INSL6: variants seen among roughly 807,000 people sequenced by gnomAD.
INSL6 encodes insulin-like peptide INSL6.
Under a neutral mutation model 9.4 loss-of-function variants are expected in INSL6, and 16 were observed. That is an observed-to-expected ratio of 1.70 (90% CI 1.15 to 2.59). INSL6 has a LOEUF of 2.59. Among genes scored for constraint, INSL6 ranks in the 30% most tolerant of loss-of-function variants. The pLI is 0.00. For synonymous variants in INSL6, 154 were observed against 96.9 expected (o/e 1.59, Z -3.46); for missense variants, 391 against 257.3 (o/e 1.52, Z -3.56).
chr9:5,168,288 G>T (rs1336845359), intron 1 of INSL6, among the ~76,000 whole-genome samples: 2 of 152,164 alleles, frequency 1.3e-5, no homozygotes, highest in African/African-American at 4.8e-5. Context: ...TGAGCTAAAG[G>T]AGTATGTTCA....
At chr9:5,157,385 T>A (rs992645410) in intron 2 of INSL6, among the ~76,000 whole-genome samples, 2 of 152,170 alleles carry the variant, frequency 1.3e-5, no homozygotes, top group Non-Finnish European at 1.5e-5. Context: ...AGTATGGTAT[T>A]GGCATAATGA....
chr9:5,185,284 A>G, intron 1 of INSL6, 30 bp downstream of exon 1: 1 of 1,613,934 alleles, frequency 6.2e-7, no homozygotes, highest in Non-Finnish European at 8.5e-7. Flanking sequence ...TACAGAGGTG[A>G]ACAAACATGC....
At chr9:5,133,929 A>G (rs1422402623) in intron 2 of INSL6, among the ~76,000 whole-genome samples, 6 of 150,518 alleles carry the variant, frequency 4.0e-5, no homozygotes. Flanking sequence ...AACCCAATGC[A>G]AGGAAGCTAA....
At chr9:5,031,838 G>A in the INSL6 span, among the ~76,000 whole-genome samples, 1 of 152,258 alleles carries the variant, frequency 6.6e-6, no homozygotes, top group Admixed American at 6.5e-5. Flanking sequence ...GGGCGATGCA[G>A]AAGACGGGTG....
chr9:5,064,365 A>G, the INSL6 span, among the ~76,000 whole-genome samples: 13,326 of 152,142 alleles, frequency 0.088, 1,749 homozygotes, highest in African/African-American at 0.29. Context: ...ACCTGTCTTT[A>G]CTAAAAATAC....
chr9:5,022,252 G>T, the INSL6 span: 3 of 1,414,142 alleles, frequency 2.1e-6, no homozygotes, highest in Non-Finnish European at 3.0e-6. Flanking sequence ...TTTATGCATG[G>T]ATTGTTTTAA....
intron 2 of INSL6, among the ~76,000 whole-genome samples, chr9:5,145,999 G>A (rs1056033222): frequency 3.3e-5 from 5 of 152,150 alleles, no homozygotes; most frequent in Non-Finnish European, 7.3e-5. Context: ...GAGAAGTGAT[G>A]TGGTCATTTG....
At chr9:5,052,406 AT>A in the INSL6 span, among the ~76,000 whole-genome samples, 3 of 151,198 alleles carry the variant, frequency 2.0e-5, no homozygotes, top group Non-Finnish European at 3.0e-5. Context: ...ATGCTGCATC[AT>A]TTTTTTTTAC....
Position 5,143,499 on chromosome 9 carries a change from TG to T in INSL6, c.377-9908del, listed in dbSNP as rs1479130122. On this transcript the variant is annotated intron_variant, in intron 2 of 3. Transcript: ENST00000649639. ...TAGAGGTGTTCATAATATTATCTGA[TG>T]GTTGTCTGTATTTCTGTGGGGTCAG... Among the ~76,000 whole-genome samples, 28 of 152,224 alleles carry T rather than the reference TG, an allele frequency of 1.8e-4. No homozygotes were observed. The East Asian group carries it at 5.2e-3, about 28-fold the overall frequency.
downstream of INSL6, among the ~76,000 whole-genome samples, chr9:5,119,582 T>G (rs1823461102): frequency 6.6e-6 from 1 of 152,040 alleles, no homozygotes; most frequent in Non-Finnish European, 1.5e-5. Context: ...AATTTCTCAT[T>G]ACTTAATTTG....
At chr9:5,015,099 T>C in the INSL6 span, among the ~76,000 whole-genome samples, 1 of 152,188 alleles carries the variant, frequency 6.6e-6, no homozygotes, top group East Asian at 1.9e-4. Context: ...CCATGTTGCA[T>C]AAAGCTATAG....
At chr9:5,036,850 G>A in the INSL6 span, among the ~76,000 whole-genome samples, 13 of 151,990 alleles carry the variant, frequency 8.6e-5, no homozygotes, top group South Asian at 2.1e-4. Flanking sequence ...ACAAAAGCCA[G>A]AATTGACAAA....
intron 1 of INSL6, among the ~76,000 whole-genome samples, chr9:5,178,593 C>A (rs929361850): frequency 6.6e-6 from 1 of 152,186 alleles, no homozygotes; most frequent in African/African-American, 2.4e-5. Context: ...CATCACACTA[C>A]CCAACTTCAA....
the INSL6 span, among the ~76,000 whole-genome samples, chr9:5,116,101 T>C: frequency 2.0e-5 from 3 of 152,168 alleles, no homozygotes; most frequent in African/African-American, 4.8e-5. Flanking sequence ...TAGGCTTACA[T>C]TGGGCTAAAT....
chr9:5,148,418 A>AC (rs903494275), intron 2 of INSL6, among the ~76,000 whole-genome samples: 4 of 151,152 alleles, frequency 2.6e-5, no homozygotes, highest in South Asian at 2.1e-4. Flanking sequence ...GAGAGAGGTG[A>AC]CCCCCCTCAC....
At chr9:4,994,490 A>T in the INSL6 span, among the ~76,000 whole-genome samples, 1 of 152,204 alleles carries the variant, frequency 6.6e-6, no homozygotes, top group African/African-American at 2.4e-5. Context: ...TCTGGGGCCT[A>T]GATTGTGAGA....
chr9:5,000,164 A>G, the INSL6 span, among the ~76,000 whole-genome samples: 1 of 151,320 alleles, frequency 6.6e-6, no homozygotes, highest in Non-Finnish European at 1.5e-5. Flanking sequence ...GTTTTTTTTT[A>G]AAGTTTTGAT....
chr9:5,128,086 G>GTGTGTT (rs1656504026), intron 3 of INSL6: 1 of 58,170 alleles, frequency 1.7e-5, no homozygotes, highest in African/African-American at 4.3e-5. Flanking sequence ...GGTTTTGTGT[G>GTGTGTT]TGTGTGTGTG....
At chr9:5,154,660 C>T (rs527267988) in intron 2 of INSL6, among the ~76,000 whole-genome samples, 5 of 152,216 alleles carry the variant, frequency 3.3e-5, no homozygotes, top group South Asian at 2.1e-4. Context: ...AACAACTGGA[C>T]GAAGGATATG....
Sources: allele counts gnomAD v4.1 joint callset (sites outside exome capture counted in the v4.1 genomes callset), GRCh38; gene constraint gnomAD v4.1.1; transcripts MANE v1.5; gene names NCBI Gene and HGNC (gene_info 2026-07-23, HGNC 2026-07-21).